Variants in FAM110B observed in about 807,000 individuals in gnomAD.
FAM110B encodes the protein family with sequence similarity 110 member B.
A neutral mutation model predicts 20.4 loss-of-function variants in FAM110B; 6 were observed. The ratio of observed to expected loss-of-function variants is 0.29; its 90% CI spans 0.16 to 0.58. The LOEUF (loss-of-function observed/expected upper bound fraction) is 0.58, where lower values mean the gene tolerates loss of function less well. FAM110B is among the 20% of genes least tolerant of loss of function. FAM110B has a pLI of 0.90. For missense variants in FAM110B, 434 were observed against 498.2 expected, an observed-to-expected ratio of 0.87 and a Z score of 1.23; for synonymous variants, 226 against 214.1, an observed-to-expected ratio of 1.06 and a Z score of -0.49.
intron 3 of FAM110B, among the ~76,000 whole-genome samples, chr8:58,085,032 T>C (rs1806298590): frequency 6.6e-6 from 1 of 152,066 alleles, no homozygotes; most frequent in South Asian, 2.1e-4. Context: ...AGAGTAGGGA[T>C]TGACGCATCA....
chr8:58,136,941 C>T lies in FAM110B; in HGVS notation c.-324-8966C>T, dbSNP rs933237486. Among the ~76,000 whole-genome samples the T allele has an allele frequency of 5.9e-5, 9 of 152,114 alleles. No individual in the cohort carries two copies. The South Asian group carries it at 1.0e-3, about 18-fold the overall frequency. On this transcript the variant is annotated intron_variant, in intron 3 of 3. Transcript: ENST00000519262. ...AATCCATCGTGGATTGAGATTTGACCGGCTATTTTTCTCCTACCACCAGAT... is the reference window on the plus strand; with the variant it reads ...AATCCATCGTGGATTGAGATTTGACTGGCTATTTTTCTCCTACCACCAGAT...
At position 58,064,610 on chromosome 8, in the gene FAM110B, A is replaced by G. The variant is rs146517422; in HGVS notation, c.-413-10925A>G. Among the ~76,000 whole-genome samples the G allele has an allele frequency of 1.4e-3, 210 of 152,272 alleles. 1 individual carries two copies. The highest frequency in any genetic ancestry group is 4.9e-3 in the African/African-American group (204 of 41,550). On this transcript the variant is annotated intron_variant, in intron 2 of 3. Coordinates refer to ENST00000519262, the MANE Select transcript of FAM110B (RefSeq NM_001377989.1). ...AGTGTCAGTTTTTCTAGTATCATCT[A>G]TCCCTTGGCCTGGATGTTTTAATTT...
chr8:58,143,946 T>C (rs974577331), intron 3 of FAM110B, among the ~76,000 whole-genome samples: 5 of 152,202 alleles, frequency 3.3e-5, no homozygotes, highest in African/African-American at 1.2e-4. Context: ...CATTCACCAA[T>C]ATTCCAACAC....
chr8:58,084,719 T>A (rs1806289144), intron 3 of FAM110B, among the ~76,000 whole-genome samples: 1 of 152,164 alleles, frequency 6.6e-6, no homozygotes, highest in African/African-American at 2.4e-5. Context: ...GATTTTTCAC[T>A]GGAAGTCTTA....
At chr8:58,103,596 C>T (rs186177506) in intron 3 of FAM110B, among the ~76,000 whole-genome samples, 2 of 152,256 alleles carry the variant, frequency 1.3e-5, no homozygotes, top group East Asian at 1.9e-4. Context: ...ATTTTTACTA[C>T]TTTAACCCCT....
chr8:58,085,476 G>T (rs1806308453), intron 3 of FAM110B, among the ~76,000 whole-genome samples: 1 of 152,208 alleles, frequency 6.6e-6, no homozygotes, highest in Admixed American at 6.5e-5. Context: ...TCGCACCACT[G>T]CACTCCAGCC....
chr8:58,068,824 G>A (rs972460240), intron 2 of FAM110B, among the ~76,000 whole-genome samples: 18 of 152,162 alleles, frequency 1.2e-4, no homozygotes, highest in Non-Finnish European at 2.1e-4. Flanking sequence ...ACGGAGAGTT[G>A]CATTTGACTG....
At chr8:58,020,129 A>G (rs1027699578) in intron 1 of FAM110B, among the ~76,000 whole-genome samples, 3 of 151,926 alleles carry the variant, frequency 2.0e-5, no homozygotes, top group African/African-American at 4.8e-5. Context: ...TTAGTCTTGT[A>G]TTTTATTTAG....
intron 2 of FAM110B, among the ~76,000 whole-genome samples, chr8:58,071,875 A>G (rs1805906333): frequency 6.6e-6 from 1 of 152,170 alleles, no homozygotes; most frequent in Non-Finnish European, 1.5e-5. Flanking sequence ...CAGTCGTTCT[A>G]CTTCACATTC....
At chr8:58,019,075 G>A (rs534480818) in intron 1 of FAM110B, among the ~76,000 whole-genome samples, 1 of 152,072 alleles carries the variant, frequency 6.6e-6, no homozygotes, top group Non-Finnish European at 1.5e-5. Flanking sequence ...GGTGGCTCAC[G>A]CCTGTAATCC....
chr8:58,000,854 GC>G (rs1804280129), intron 1 of FAM110B, among the ~76,000 whole-genome samples: 1 of 152,166 alleles, frequency 6.6e-6, no homozygotes, highest in Non-Finnish European at 1.5e-5. Flanking sequence ...TCTATCCCTA[GC>G]CAGTGTCCTT....
chr8:58,108,918 G>T (rs548077799), intron 3 of FAM110B, among the ~76,000 whole-genome samples: 1 of 152,112 alleles, frequency 6.6e-6, no homozygotes, highest in Non-Finnish European at 1.5e-5. Flanking sequence ...TGCCCTTTAT[G>T]TACAAGGCAT....
At chr8:58,052,932 C>A (rs1457369475) in intron 2 of FAM110B, among the ~76,000 whole-genome samples, 2 of 149,220 alleles carry the variant, frequency 1.3e-5, no homozygotes, top group African/African-American at 5.0e-5. Context: ...ACTACAGGCG[C>A]CCGCTACCAC....
chr8:58,031,784 G>A, intron 2 of FAM110B, 81 bp downstream of exon 2: 1 of 152,156 alleles, frequency 6.6e-6, no homozygotes, highest in East Asian at 1.9e-4. Flanking sequence ...ATGTTGAGCA[G>A]AATTTAGGTA....
intron 3 of FAM110B, among the ~76,000 whole-genome samples, chr8:58,125,970 A>G (rs1393535379): frequency 2.0e-5 from 3 of 152,204 alleles, no homozygotes; most frequent in Non-Finnish European, 4.4e-5. Context: ...TTGAGCTTGT[A>G]TGTATAGTTC....
At chr8:58,044,261 G>C (rs1252897379) in intron 2 of FAM110B, among the ~76,000 whole-genome samples, 1 of 152,206 alleles carries the variant, frequency 6.6e-6, no homozygotes, top group African/African-American at 2.4e-5. Context: ...CCGTGGTCAT[G>C]ATGACCCCTG....
In FAM110B at chr8:58,111,280, G is replaced by A. The variant is rs113900443; in HGVS notation, c.-324-34627G>A. Among the ~76,000 whole-genome samples the A allele has an allele frequency of 6.2e-3, 949 of 152,248 alleles. 10 individuals are homozygous for A. The highest frequency in any genetic ancestry group is 0.021 in the African/African-American group (872 of 41,540). The stretch of plus-strand genomic sequence containing the variant: ...TCAGAAAATCACTCTCCATGTGATG[G>A]GTATGAAAGTATGCACTTCACTGCT... On this transcript the variant is annotated intron_variant, in intron 3 of 3. Transcript: ENST00000519262.
chr8:58,142,782 G>C (rs1444761441), intron 3 of FAM110B, among the ~76,000 whole-genome samples: 1 of 152,100 alleles, frequency 6.6e-6, no homozygotes, highest in African/African-American at 2.4e-5. Flanking sequence ...TCTCTGTCCT[G>C]AGTCATAAGT....
At chr8:58,012,012 AG>A (rs1176095576) in intron 1 of FAM110B, among the ~76,000 whole-genome samples, 1 of 152,180 alleles carries the variant, frequency 6.6e-6, no homozygotes, top group Admixed American at 6.5e-5. Flanking sequence ...ATTTTGGTAG[AG>A]ATTTTGTGAG....
Sources: allele counts gnomAD v4.1 joint callset (sites outside exome capture counted in the v4.1 genomes callset), GRCh38; gene constraint gnomAD v4.1.1; transcripts MANE v1.5; gene names NCBI Gene and HGNC (gene_info 2026-07-23, HGNC 2026-07-21).